Variants in SOX6 observed in about 807,000 individuals in gnomAD.
The protein encoded by SOX6 is SRY-box transcription factor 6.
A neutral mutation model predicts 97.8 loss-of-function variants in SOX6; 11 were observed. The observed-to-expected ratio is 0.11, with a 90% CI of 0.07 to 0.19. The LOEUF is 0.19. Among genes scored for constraint, SOX6 ranks in the 10% least tolerant of loss-of-function variants. The pLI is 1.00. For missense variants in SOX6, 810 were observed against 1,039.5 expected (o/e 0.78, Z 3.04); for synonymous variants, 360 against 371.4 (o/e 0.97, Z 0.35).
chr11:16,090,460 C>T (rs1412090375), intron 9 of SOX6, among the ~76,000 whole-genome samples: 1 of 152,042 alleles, frequency 6.6e-6, no homozygotes, highest in Non-Finnish European at 1.5e-5. Context: ...AGCTAGATTT[C>T]TAAGCATTAG....
chr11:16,045,613 C>T (rs1855804662), intron 12 of SOX6, among the ~76,000 whole-genome samples: 1 of 152,084 alleles, frequency 6.6e-6, no homozygotes, highest in Admixed American at 6.6e-5. Flanking sequence ...CTTTATGATC[C>T]CCGGCTGTGT....
At chr11:16,270,936 AATAGTGGTG>A (rs1387892393) in intron 3 of SOX6, among the ~76,000 whole-genome samples, 1 of 151,320 alleles carries the variant, frequency 6.6e-6, no homozygotes, top group Non-Finnish European at 1.5e-5. Flanking sequence ...GAGTTTTGGG[AATAGTGGTG>A]ATAGTTATAA....
chr11:16,175,316 T>A (rs769157578), intron 6 of SOX6, among the ~76,000 whole-genome samples: 1 of 151,872 alleles, frequency 6.6e-6, no homozygotes, highest in South Asian at 2.1e-4. Flanking sequence ...CTTAAGCAAT[T>A]ACTAGGGGTT....
chr11:16,515,321 G>T, intron 4 of SOX6, among the ~76,000 whole-genome samples: 1 of 151,122 alleles, frequency 6.6e-6, no homozygotes, highest in Non-Finnish European at 1.5e-5. Flanking sequence ...TTTTTCATGT[G>T]TTTTTTGGCT....
chr11:16,013,587 C>G (rs957205160), intron 13 of SOX6, among the ~76,000 whole-genome samples: 1 of 151,998 alleles, frequency 6.6e-6, no homozygotes, highest in Admixed American at 6.6e-5. Context: ...CCCTTCCTAT[C>G]TATCCTCCCT....
intron 4 of SOX6, among the ~76,000 whole-genome samples, chr11:16,539,590 G>A (rs919715925): frequency 5.9e-5 from 9 of 151,824 alleles, no homozygotes; most frequent in African/African-American, 2.2e-4. Flanking sequence ...TAATAAAGAA[G>A]AAAAGAGAGA....
intron 1 of SOX6, among the ~76,000 whole-genome samples, chr11:16,348,217 A>G (rs1255896420): frequency 6.6e-6 from 1 of 152,162 alleles, no homozygotes; most frequent in Non-Finnish European, 1.5e-5. Flanking sequence ...ACAAGCATCA[A>G]AGCAGTTAAA....
chr11:16,318,433 A>C lies in SOX6; in HGVS notation c.445+13T>G, dbSNP rs1296517934. 1 of 1,612,462 alleles carries C rather than the reference A, an allele frequency of 6.2e-7. No homozygotes were observed. The highest frequency in any genetic ancestry group is 8.5e-7 in the Non-Finnish European group (1 of 1,179,020). On this transcript the variant is annotated intron_variant, in intron 3 of 15. Coordinates refer to ENST00000683767, the MANE Select transcript of SOX6 (RefSeq NM_001367873.1). Reference sequence around the variant, plus strand: ...GAAAAAAAACAGAGCCCAACAGTGAAGTCCACACATACCCTCTTGTTCAGT... The same window carrying C: ...GAAAAAAAACAGAGCCCAACAGTGACGTCCACACATACCCTCTTGTTCAGT...
chr11:16,066,298 T>C (rs1464175926), intron 9 of SOX6, among the ~76,000 whole-genome samples: 2 of 152,152 alleles, frequency 1.3e-5, no homozygotes, highest in Non-Finnish European at 2.9e-5. Context: ...CTGTACACTG[T>C]TGGTGAGAAT....
intron 1 of SOX6, among the ~76,000 whole-genome samples, chr11:16,462,049 C>A (rs1041641908): frequency 1.3e-5 from 2 of 152,170 alleles, no homozygotes; most frequent in Admixed American, 1.3e-4. Context: ...GAATTAGTTT[C>A]CAACAGGTAC....
In SOX6 at chr11:16,238,326, T is replaced by G. The variant is rs538112352; in HGVS notation, c.446-3655A>C. ...ATTTGAGAGAAAAGGAAGATAGAAT[T>G]CAGAACTATTTTGTTTTTAAAATAT... On this transcript the variant is annotated intron_variant, in intron 3 of 15. Transcript: ENST00000683767. Among the ~76,000 whole-genome samples, 11 of 152,162 alleles carry G rather than the reference T, an allele frequency of 7.2e-5. No homozygotes were observed. In the South Asian group the frequency reaches 1.5e-3, roughly 20 times the overall value.
At chr11:16,000,815 T>C (rs1025144242) in intron 13 of SOX6, among the ~76,000 whole-genome samples, 2 of 152,080 alleles carry the variant, frequency 1.3e-5, no homozygotes, top group African/African-American at 4.8e-5. Flanking sequence ...AAAAATTCCA[T>C]TGGGCACTTT....
intron 4 of SOX6, among the ~76,000 whole-genome samples, chr11:16,604,895 T>C (rs1291804315): frequency 1.3e-5 from 2 of 152,180 alleles, no homozygotes; most frequent in Non-Finnish European, 2.9e-5. Flanking sequence ...ATTCTTTTTA[T>C]CTTAAAGCTC....
At chr11:16,154,425 T>A (rs983997256) in intron 6 of SOX6, among the ~76,000 whole-genome samples, 1 of 152,148 alleles carries the variant, frequency 6.6e-6, no homozygotes, top group Non-Finnish European at 1.5e-5. Flanking sequence ...TGTGCAGTAT[T>A]CTTTTTACCA....
chr11:16,225,621 T>C (rs1852665211), intron 4 of SOX6, among the ~76,000 whole-genome samples: 1 of 152,200 alleles, frequency 6.6e-6, no homozygotes, highest in Admixed American at 6.6e-5. Flanking sequence ...GTAACCTGTG[T>C]TGCAGAACAC....
chr11:16,582,101 C>T (rs1384451758), intron 4 of SOX6, among the ~76,000 whole-genome samples: 1 of 151,884 alleles, frequency 6.6e-6, no homozygotes, highest in South Asian at 2.1e-4. Flanking sequence ...TAAGTGGGAG[C>T]CAAACATTGG....
intron 9 of SOX6, among the ~76,000 whole-genome samples, chr11:16,063,488 C>T (rs1490069351): frequency 9.3e-5 from 8 of 86,328 alleles, no homozygotes; most frequent in Admixed American, 3.3e-4. Context: ...ACTATATTTA[C>T]CATAATTTTA....
In SOX6 at chr11:16,670,103, C is replaced by T. The variant is rs139267347; in HGVS notation, n.429+44727G>A. Among the ~76,000 whole-genome samples, 1,077 of 152,230 alleles carry T rather than the reference C, an allele frequency of 7.1e-3. 14 individuals carry two copies. Among genetic ancestry groups the T allele is most frequent in the African/African-American group, 0.023 (972 of 41,524 alleles). The stretch of plus-strand genomic sequence containing the variant: ...CAACTCATGGACACAAAGCAGCTGC[C>T]ACACCCATGGCTGAGCATACCTACT... On this transcript the variant is annotated intron_variant and non_coding_transcript_variant, in intron 3 of 5. Transcript: ENST00000524520.
At chr11:16,225,241 T>C (rs1852652128) in intron 4 of SOX6, among the ~76,000 whole-genome samples, 1 of 152,026 alleles carries the variant, frequency 6.6e-6, no homozygotes, top group South Asian at 2.1e-4. Flanking sequence ...TATGTGAACT[T>C]TGCTATTAAA....
Sources: gnomAD v4.1 joint callset for allele counts (sites outside exome capture counted in the v4.1 genomes callset) on GRCh38, gnomAD v4.1.1 for gene constraint, MANE v1.5 for transcripts, NCBI Gene and HGNC (gene_info 2026-07-23, HGNC 2026-07-21) for gene names.